Variants in CFAP46 observed in about 807,000 individuals in gnomAD.
The protein encoded by CFAP46 is cilia- and flagella-associated protein 46.
In CFAP46, 245 loss-of-function variants were observed where a neutral mutation model predicts 325.7. That is an observed-to-expected ratio of 0.75 (90% CI 0.68 to 0.84). The LOEUF is 0.84. Ranked by LOEUF, CFAP46 falls within the 40% of genes least tolerant of loss-of-function variation. CFAP46 has a pLI of 0.00. For missense variants in CFAP46, 3,346 were observed against 3,543.0 expected (o/e 0.94, Z 1.41); for synonymous variants, 1,523 against 1,495.9 (o/e 1.02, Z -0.42).
In CFAP46 at chr10:132,912,757, A is replaced by T. The variant is rs200571172; in HGVS notation, c.2397T>A (p.Ile799=). ...TGGACTTCTCGGCAGCCTGGACTGG[A>T]ATCCAGCTGATGATCAGGCCTCGCG... ...TLARGLIISW[I]PVQAAEKSRK... The change falls in exon 19 of 58, where the codon ATT becomes ATA. Residue 799 remains isoleucine (I), a synonymous_variant. Coordinates refer to ENST00000368586, the MANE Select transcript of CFAP46 (RefSeq NM_001200049.3). The T allele has an allele frequency of 1.3e-6, 2 of 1,550,162 alleles. No individual in the cohort carries two copies. The highest frequency in any genetic ancestry group is 1.7e-6 in the Non-Finnish European group (2 of 1,146,996).
chr10:132,919,244 C>A lies in CFAP46; in HGVS notation c.1858+71G>T. The stretch of plus-strand genomic sequence containing the variant: ...GCCCCATGGGTTGTCATTGCACGAA[C>A]CACAACCCTTCCCACACCCAGAGGG... On this transcript the variant is annotated intron_variant, in intron 15 of 57. Coordinates refer to ENST00000368586, the MANE Select transcript of CFAP46 (RefSeq NM_001200049.3). The surrounding 1 kb of genome is among the most constrained non-coding windows in gnomAD (Gnocchi z 9.7). 2 of 1,484,200 alleles carry A rather than the reference C, an allele frequency of 1.3e-6. No individual in the cohort carries two copies. The highest frequency in any genetic ancestry group is 1.3e-5 in the South Asian group (1 of 76,466). 91.9% of individuals were successfully genotyped at this position (1,484,200 alleles called of 1,614,324 possible). A position where few individuals can be genotyped will look rare whatever the true frequency, so the allele number is the denominator to read the frequency against.
rs192095397 is a variant in CFAP46 at position 132,925,626 on chromosome 10, T to C, written c.1066-740A>G. 2.0e-4 allele frequency among the ~76,000 whole-genome samples: 30 copies of C among 152,342 alleles called. No individual in the cohort carries two copies. The East Asian group carries it at 5.2e-3, about 26-fold the overall frequency. ...AAATCATTCCTTAAACGAACACTCA[T>C]TAAGCGCCTACCACGTGTGGCACCA... On this transcript the variant is annotated intron_variant, in intron 10 of 57. Coordinates refer to ENST00000368586, the MANE Select transcript of CFAP46 (RefSeq NM_001200049.3).
intron 41 of CFAP46, among the ~76,000 whole-genome samples, chr10:132,848,520 A>T (rs1183818908): frequency 6.8e-6 from 1 of 148,104 alleles, no homozygotes; most frequent in Non-Finnish European, 1.5e-5. Flanking sequence ...AGGCATGAAC[A>T]CGGTGGGCTC....
chr10:132,880,774 A>G lies in CFAP46; in HGVS notation c.3799+87T>C, dbSNP rs188202860. On this transcript the variant is annotated intron_variant, in intron 28 of 57. Transcript: ENST00000368586. ...CCAAAGCCTGCACAGACACATGGAT[A>G]CCCAACGGCGGTCCAGATCACGGAG... 14,073 of 1,438,752 alleles carry G rather than the reference A, an allele frequency of 9.8e-3. 197 individuals are homozygous for G. Among genetic ancestry groups the G allele is most frequent in the Middle Eastern group, 0.048 (191 of 4,000 alleles). The allele number at this position is 1,438,752 out of a possible 1,614,324, so 89.1% of individuals were successfully genotyped here.
At chr10:132,866,794 T>G (rs1047616051) in intron 34 of CFAP46, among the ~76,000 whole-genome samples, 33 of 152,210 alleles carry the variant, frequency 2.2e-4, no homozygotes, top group Admixed American at 1.8e-3. Context: ...GCTCCCACGG[T>G]AACTGCGTTT....
At chr10:132,845,386 C>T (rs1033041048) in intron 44 of CFAP46, among the ~76,000 whole-genome samples, 1 of 152,188 alleles carries the variant, frequency 6.6e-6, no homozygotes. Context: ...CTCCTGTCAG[C>T]CAGTGGCGGA....
chr10:132,937,539 T>A lies in CFAP46; in HGVS notation c.660+13A>T, dbSNP rs544773596. The A allele has an allele frequency of 9.9e-6, 16 of 1,613,274 alleles. No homozygotes were observed. The South Asian group carries it at 1.4e-4, about 14-fold the overall frequency. On this transcript the variant is annotated intron_variant, in intron 6 of 57. Coordinates refer to ENST00000368586, the MANE Select transcript of CFAP46 (RefSeq NM_001200049.3). The stretch of plus-strand genomic sequence containing the variant: ...TTACTTCTTACGTCTCTATTTCTAA[T>A]ACGCTGATTTACCATAACAGAGAAT...
chr10:132,850,575 G>T (rs1032607695), intron 40 of CFAP46, 143 bp from the exon 41 acceptor site: 2 of 760,082 alleles, frequency 2.6e-6, no homozygotes, highest in African/African-American at 1.8e-5. Context: ...CCGCAGGGAG[G>T]GTCTCCAGGG....
intron 11 of CFAP46, 150 bp downstream of exon 11, chr10:132,924,546 T>C: frequency 1.4e-6 from 1 of 721,642 alleles, no homozygotes; most frequent in Non-Finnish European, 2.0e-6. Flanking sequence ...GGCCCGGAGC[T>C]GGGACAGAGG....
At chr10:132,820,322 G>A (rs1377943813) in intron 50 of CFAP46, among the ~76,000 whole-genome samples, 4 of 150,944 alleles carry the variant, frequency 2.6e-5, no homozygotes, top group Non-Finnish European at 5.9e-5. Flanking sequence ...CAGAAGCAGA[G>A]TGAGTGGTGG....
chr10:132,910,597 G>C (rs1849527350), intron 19 of CFAP46, among the ~76,000 whole-genome samples: 1 of 152,238 alleles, frequency 6.6e-6, no homozygotes, highest in African/African-American at 2.4e-5. Flanking sequence ...ATGAAACCCA[G>C]TCTATGGGTC....
intron 8 of CFAP46, 81 bp from the exon 9 acceptor site, chr10:132,929,885 G>T: frequency 1.1e-6 from 1 of 936,162 alleles, no homozygotes. Context: ...CATGTCCCCC[G>T]TTCAAGCAGA....
In CFAP46 at chr10:132,873,352, G is replaced by A. The variant is rs569325202; in HGVS notation, c.4363-528C>T. Among the ~76,000 whole-genome samples, 5 of 152,246 alleles carry A rather than the reference G, an allele frequency of 3.3e-5. No homozygotes were observed. The South Asian group carries it at 6.2e-4, about 19-fold the overall frequency. On this transcript the variant is annotated intron_variant, in intron 31 of 57. Transcript: ENST00000368586. ...ATAATCAATATCCAAAGAATGACTGGGCCAAGATCTGGAAGTCAGTATGCA... is the reference window on the plus strand; with the variant it reads ...ATAATCAATATCCAAAGAATGACTGAGCCAAGATCTGGAAGTCAGTATGCA...
In CFAP46 at chr10:132,884,980, G is replaced by A. The variant is rs575264951; in HGVS notation, c.3627+123C>T. On this transcript the variant is annotated intron_variant, in intron 27 of 57. Transcript: ENST00000368586. The surrounding 1 kb of genome is among the most constrained non-coding windows in gnomAD (Gnocchi z 5.4). ...GCCACGCGGTGCATTCTCTGTGCCC[G>A]TCAGCTGTGGCTGCTCTGCGTGCTG... is the stretch of plus-strand genomic sequence containing the variant. 9.9e-5 allele frequency: 106 copies of A among 1,065,872 alleles called. No homozygotes were observed. The African/African-American group carries it at 1.3e-3, about 13-fold the overall frequency. The allele number at this position is 1,065,872 out of a possible 1,614,324, so 66.0% of individuals were successfully genotyped here.
rs748584366 is a variant in CFAP46 at position 132,924,976 on chromosome 10, G to A, written c.1066-90C>T. ...CCTGCGTGCAGGGCACACTGAGAAC[G>A]CAGGCCCTAAATTCATCACCCTGCG... On this transcript the variant is annotated intron_variant, in intron 10 of 57. Transcript: ENST00000368586. The A allele has an allele frequency of 1.9e-4, 212 of 1,096,802 alleles. 1 individual carries two copies. The highest frequency in any genetic ancestry group is 2.2e-4 in the Non-Finnish European group (178 of 824,920). 67.9% of individuals were successfully genotyped at this position (1,096,802 alleles called of 1,614,324 possible). A position where few individuals can be genotyped will look rare whatever the true frequency, so the allele number is the denominator to read the frequency against.
At chr10:132,835,847 GCTCCCCTCCCGAAACCA>G (rs953911697) in intron 46 of CFAP46, among the ~76,000 whole-genome samples, 20 of 74,820 alleles carry the variant, frequency 2.7e-4, no homozygotes, top group Middle Eastern at 0.012. Flanking sequence ...TCCCGCCCCC[GCTCCCCTCCCGAAACCA>G]CTCCCCTCCC....
intron 21 of CFAP46, 82 bp downstream of exon 21, chr10:132,909,055 C>T (rs551425849): frequency 1.0e-3 from 1,016 of 1,005,996 alleles, no homozygotes; most frequent in Non-Finnish European, 1.3e-3. Context: ...CGATGGGGCT[C>T]GAGTTCCAGC....
rs1316767279 is a variant in CFAP46, at chr10:132,851,099, T to C, written c.5763+18A>G. 3.1e-6 allele frequency: 5 copies of C among 1,613,162 alleles called. No homozygotes were observed. The highest frequency in any genetic ancestry group is 4.2e-6 in the Non-Finnish European group (5 of 1,179,840). On this transcript the variant is annotated intron_variant, in intron 40 of 57. Coordinates refer to ENST00000368586, the MANE Select transcript of CFAP46 (RefSeq NM_001200049.3). ...CCTGGCGCTCCCTCCACCGGGAATCTGTGACCCCAGCAATTACCAGGCCGA... is the reference window on the plus strand; with the variant it reads ...CCTGGCGCTCCCTCCACCGGGAATCCGTGACCCCAGCAATTACCAGGCCGA...
In CFAP46 at chr10:132,865,932, G is replaced by A. The variant is rs936678164; in HGVS notation, c.4890+93C>T. ...GCACGTGGCCCTGCTAGAGCTGAAC[G>A]CTACAGCCCAAGCTTCTGCCCGCAG... is the stretch of plus-strand genomic sequence containing the variant. On this transcript the variant is annotated intron_variant, in intron 35 of 57. Transcript: ENST00000368586. 3.8e-5 allele frequency: 48 copies of A among 1,257,380 alleles called. No homozygotes were observed. In the South Asian group the frequency reaches 4.4e-4, roughly 12 times the overall value. 77.9% of individuals were successfully genotyped at this position (1,257,380 alleles called of 1,614,324 possible).
Sources: allele counts gnomAD v4.1 joint callset (sites outside exome capture counted in the v4.1 genomes callset), GRCh38; gene constraint gnomAD v4.1.1; non-coding constraint Gnocchi (gnomAD v3.1); transcripts MANE v1.5; gene names NCBI Gene and HGNC (gene_info 2026-07-23, HGNC 2026-07-21).